Variants in GBE1 observed in about 807,000 individuals in gnomAD.
GBE1 encodes the protein 1,4-alpha-glucan-branching enzyme.
A neutral mutation model predicts 88.8 loss-of-function variants in GBE1; 70 were observed. The observed-to-expected ratio is 0.79, with a 90% CI of 0.65 to 0.96. The LOEUF (loss-of-function observed/expected upper bound fraction) is 0.96, where lower values mean the gene tolerates loss of function less well. Ranked by LOEUF, GBE1 falls within the 40% of genes least tolerant of loss-of-function variation. GBE1 has a pLI of 0.00. For missense variants in GBE1, 872 were observed against 871.0 expected, an observed-to-expected ratio of 1.00 and a Z score of -0.01; for synonymous variants, 284 against 300.1, an observed-to-expected ratio of 0.95 and a Z score of 0.56.
chr3:81,711,400 T>G (rs1455461403), intron 1 of GBE1, among the ~76,000 whole-genome samples: 1 of 152,074 alleles, frequency 6.6e-6, no homozygotes, highest in Admixed American at 6.5e-5. Flanking sequence ...AGTTGAAAAT[T>G]TTTGGAAGGG....
Position 81,575,737 on chromosome 3 carries a change from G to GA in GBE1, c.1618+2187dup, listed in dbSNP as rs1399635148. Among the ~76,000 whole-genome samples, 3 of 152,122 alleles carry GA rather than the reference G, an allele frequency of 2.0e-5. No individual in the cohort carries two copies. In the East Asian group the frequency reaches 5.8e-4, roughly 29 times the overall value. On this transcript the variant is annotated intron_variant, in intron 12 of 15. Coordinates refer to ENST00000429644, the MANE Select transcript of GBE1 (RefSeq NM_000158.4). The stretch of plus-strand genomic sequence containing the variant: ...AAATATTAATTTCTATATGCCATTA[G>GA]AAAATATCACCTTGCTTATAACTAA...
chr3:81,626,855 C>T (rs1215850111), intron 7 of GBE1, among the ~76,000 whole-genome samples: 1 of 151,870 alleles, frequency 6.6e-6, no homozygotes, highest in Non-Finnish European at 1.5e-5. Flanking sequence ...TGTATATTAG[C>T]TAATTAGATT....
intron 7 of GBE1, among the ~76,000 whole-genome samples, chr3:81,640,384 A>G (rs867001114): frequency 2.0e-5 from 3 of 152,062 alleles, no homozygotes; most frequent in South Asian, 4.1e-4. Flanking sequence ...TTTCTCCTGT[A>G]CTGGACGCTT....
intron 7 of GBE1, among the ~76,000 whole-genome samples, chr3:81,618,388 T>C (rs973582833): frequency 1.2e-4 from 19 of 152,202 alleles, no homozygotes; most frequent in African/African-American, 3.4e-4. Flanking sequence ...TACTCACAAA[T>C]TGTTTTCCAG....
At chr3:81,566,121 T>A (rs1703491527) in intron 12 of GBE1, among the ~76,000 whole-genome samples, 1 of 152,198 alleles carries the variant, frequency 6.6e-6, no homozygotes, top group African/African-American at 2.4e-5. Context: ...GAACTTTTCT[T>A]CTCTTCCTCC....
intron 12 of GBE1, among the ~76,000 whole-genome samples, chr3:81,560,307 A>G (rs927972567): frequency 6.6e-6 from 1 of 152,010 alleles, no homozygotes; most frequent in African/African-American, 2.4e-5. Context: ...AATCACATAG[A>G]TCAGATAATG....
intron 7 of GBE1, among the ~76,000 whole-genome samples, chr3:81,607,318 A>C (rs1348748418): frequency 1.3e-5 from 2 of 152,214 alleles, no homozygotes; most frequent in Non-Finnish European, 2.9e-5. Flanking sequence ...TGGGAGGCCA[A>C]GGTGGGTGGA....
intron 2 of GBE1, among the ~76,000 whole-genome samples, chr3:81,682,962 C>T (rs1007783262): frequency 6.6e-6 from 1 of 152,134 alleles, no homozygotes; most frequent in Non-Finnish European, 1.5e-5. Flanking sequence ...GAACCTTGTA[C>T]ACATGCTAAG....
chr3:81,679,949 C>T (rs1234631766), intron 2 of GBE1, among the ~76,000 whole-genome samples: 1 of 152,084 alleles, frequency 6.6e-6, no homozygotes, highest in African/African-American at 2.4e-5. Flanking sequence ...AAAAACAGAG[C>T]TGATCTGGCT....
chr3:81,618,573 G>A (rs1268374310), intron 7 of GBE1, among the ~76,000 whole-genome samples: 1 of 152,092 alleles, frequency 6.6e-6, no homozygotes, highest in Non-Finnish European at 1.5e-5. Context: ...GCAGTGAGAA[G>A]TTTCTTTCGC....
chr3:81,696,287 G>A (rs1383680633), intron 2 of GBE1, among the ~76,000 whole-genome samples: 1 of 152,176 alleles, frequency 6.6e-6, no homozygotes, highest in African/African-American at 2.4e-5. Context: ...ATGCTGTACA[G>A]CTTTGACAGA....
intron 15 of GBE1, among the ~76,000 whole-genome samples, chr3:81,498,794 T>A (rs1434545346): frequency 6.6e-6 from 1 of 152,188 alleles, no homozygotes; most frequent in African/African-American, 2.4e-5. Context: ...AAATGTTGCA[T>A]AAAGAATAGA....
At chr3:81,745,968 A>C (rs1706414822) in intron 1 of GBE1, among the ~76,000 whole-genome samples, 1 of 152,176 alleles carries the variant, frequency 6.6e-6, no homozygotes, top group Non-Finnish European at 1.5e-5. Flanking sequence ...TTAATATTGG[A>C]ATAAACTAAA....
chr3:81,612,548 G>C (rs1704197218), intron 7 of GBE1: 1 of 808,280 alleles, frequency 1.2e-6, no homozygotes, highest in Admixed American at 1.8e-5. Context: ...GAACACTGGT[G>C]GATGGTTGAG....
chr3:81,723,443 T>A (rs963468946), intron 1 of GBE1, among the ~76,000 whole-genome samples: 1 of 152,014 alleles, frequency 6.6e-6, no homozygotes, highest in Non-Finnish European at 1.5e-5. Context: ...ATATCAAAGA[T>A]GCCATATTTA....
chr3:81,541,046 A>T (rs1703136876), intron 12 of GBE1, among the ~76,000 whole-genome samples: 1 of 151,916 alleles, frequency 6.6e-6, no homozygotes, highest in African/African-American at 2.4e-5. Context: ...ATGTGACCTG[A>T]GGTCACGCTG....
chr3:81,520,480 T>C (rs1008447195), intron 14 of GBE1, among the ~76,000 whole-genome samples: 59 of 151,580 alleles, frequency 3.9e-4, no homozygotes, highest in African/African-American at 1.4e-3. Flanking sequence ...TCAAATGCAT[T>C]AGAAAGAGCA....
At chr3:81,676,268 T>C (rs1202275360) in intron 2 of GBE1, among the ~76,000 whole-genome samples, 1 of 152,062 alleles carries the variant, frequency 6.6e-6, no homozygotes, top group African/African-American at 2.4e-5. Flanking sequence ...GTCAGCTGTA[T>C]AGTCTTGGAG....
chr3:81,542,418 CT>C (rs35217441), intron 12 of GBE1, among the ~76,000 whole-genome samples: 3 of 152,012 alleles, frequency 2.0e-5, no homozygotes, highest in Non-Finnish European at 2.9e-5. Flanking sequence ...AGCAGATATT[CT>C]AGGATCAAAC....
Sources: gnomAD v4.1 joint callset for allele counts (sites outside exome capture counted in the v4.1 genomes callset) on GRCh38, gnomAD v4.1.1 for gene constraint, MANE v1.5 for transcripts, NCBI Gene and HGNC (gene_info 2026-07-23, HGNC 2026-07-21) for gene names.